The following SLC6A5 variants were observed in gnomAD, a reference collection of about 807,000 sequenced individuals.
SLC6A5 encodes the protein sodium- and chloride-dependent glycine transporter 2.
SLC6A5 carries 58 observed loss-of-function variants against 90.5 expected under a neutral mutation model. That is an observed-to-expected ratio of 0.64 (90% CI 0.52 to 0.80). SLC6A5 has a LOEUF of 0.80. Ranked by LOEUF, SLC6A5 falls within the 30% of genes least tolerant of loss-of-function variation. The pLI is 0.00. For synonymous variants in SLC6A5, 427 were observed against 401.4 expected (o/e 1.06, Z -0.76); for missense variants, 1,015 against 1,017.6 (o/e 1.00, Z 0.03).
chr11:20,604,500 A>T (rs1410152083), intron 3 of SLC6A5, 76 bp downstream of exon 3: 1 of 1,562,138 alleles, frequency 6.4e-7, no homozygotes, highest in Non-Finnish European at 8.7e-7. Flanking sequence ...AGGAGCCCTC[A>T]GGCAGGGCCG....
rs12416864 is a variant in SLC6A5 at position 20,620,887 on chromosome 11, C to G, written c.1260+3003C>G. Among the ~76,000 whole-genome samples, 4,585 of 152,166 alleles carry G rather than the reference C, an allele frequency of 0.03. 443 individuals are homozygous for G. The East Asian group carries it at 0.36, about 12-fold the overall frequency. ...CCATCTTGGCTCACTGCAACCTCCA[C>G]CTCCTGGGTTCAAGTGATTGTCCTG... On this transcript the variant is annotated intron_variant, in intron 7 of 15. Transcript: ENST00000525748.
chr11:20,644,650 T>C (rs550676668), intron 13 of SLC6A5, among the ~76,000 whole-genome samples: 1 of 152,320 alleles, frequency 6.6e-6, no homozygotes, highest in South Asian at 2.1e-4. Context: ...ATGTTTTCCA[T>C]AGTGACTGTA....
chr11:20,619,042 G>T (rs562937613), intron 7 of SLC6A5, among the ~76,000 whole-genome samples: 22 of 151,848 alleles, frequency 1.4e-4, no homozygotes, highest in Non-Finnish European at 2.9e-4. Context: ...ATTTAATTAC[G>T]CCAGGAGGTA....
At chr11:20,643,290 G>C (rs1853349666) in intron 13 of SLC6A5, among the ~76,000 whole-genome samples, 1 of 151,330 alleles carries the variant, frequency 6.6e-6, no homozygotes, top group Non-Finnish European at 1.5e-5. Context: ...ATTTTTGAGG[G>C]CCTCAGCTTT....
chr11:20,647,412 G>T (rs1418692145), intron 14 of SLC6A5, among the ~76,000 whole-genome samples: 8,369 of 109,724 alleles, frequency 0.076, 351 homozygotes, highest in Middle Eastern at 0.12. Flanking sequence ...TATTATATAG[G>T]AATTCCTATT....
At chr11:20,608,942 C>CTG (rs1852637507) in intron 5 of SLC6A5, among the ~76,000 whole-genome samples, 1 of 117,854 alleles carries the variant, frequency 8.5e-6, no homozygotes, top group African/African-American at 3.2e-5. Context: ...CTCTCTCTCT[C>CTG]TCTCTCTCTC....
In SLC6A5 at chr11:20,658,806, G is replaced by A. The variant is rs1339138419; in HGVS notation, c.*3938G>A. 6.6e-6 allele frequency: 1 copy of A among 152,078 alleles called. No homozygotes were observed. Among genetic ancestry groups the A allele is most frequent in the Non-Finnish European group, 1.5e-5 (1 of 68,022 alleles). The allele number at this position is 152,078 out of a possible 1,614,324, so 9.4% of individuals were successfully genotyped here. ...ATTTGCCTTACAGGTGTATTTTACT[G>A]TTAGGATGATTCTTAGTAATTGACT... On this transcript the variant is annotated 3_prime_UTR_variant, in exon 16 of 16. Coordinates refer to ENST00000525748, the MANE Select transcript of SLC6A5 (RefSeq NM_004211.5).
chr11:20,654,218 TTTTTTTTCCTCCGGTCA>T (rs1853596245), intron 15 of SLC6A5, among the ~76,000 whole-genome samples: 1 of 152,198 alleles, frequency 6.6e-6, no homozygotes, highest in African/African-American at 2.4e-5. Flanking sequence ...GGGTTGGATT[TTTTTTTTCCTCCGGTCA>T]TTTATATCCT....
At chr11:20,623,170 G>C (rs1450930333) in intron 7 of SLC6A5, among the ~76,000 whole-genome samples, 1 of 152,170 alleles carries the variant, frequency 6.6e-6, no homozygotes, top group East Asian at 1.9e-4. Context: ...CAGGAAAAAT[G>C]TGTCCTGGTC....
At chr11:20,619,929 T>C (rs1450192281) in intron 7 of SLC6A5, among the ~76,000 whole-genome samples, 2 of 152,118 alleles carry the variant, frequency 1.3e-5, no homozygotes, top group East Asian at 3.9e-4. Context: ...TACAGGGAGA[T>C]GGGAAATGTT....
At chr11:20,601,804 T>G (rs535133383) in intron 2 of SLC6A5, 139 bp downstream of exon 2, 5 of 947,992 alleles carry the variant, frequency 5.3e-6, no homozygotes, top group African/African-American at 3.2e-5. Flanking sequence ...GGAGGCGGCT[T>G]TGGGGCTTCG....
intron 13 of SLC6A5, among the ~76,000 whole-genome samples, chr11:20,641,501 AAAAACAAC>A (rs1853313696): frequency 7.2e-6 from 1 of 139,542 alleles, no homozygotes; most frequent in South Asian, 2.1e-4. Flanking sequence ...AAAACCCCCC[AAAAACAAC>A]AAAACAACAA....
In SLC6A5 at chr11:20,601,259, C is replaced by T. The variant is rs755131121; in HGVS notation, c.134C>T (p.Ala45Val). 11 of 1,583,846 alleles carry T rather than the reference C, an allele frequency of 6.9e-6. No individual in the cohort carries two copies. The East Asian group carries it at 1.8e-4, about 26-fold the overall frequency. The part of the protein sequence containing the change: ...SPEQELPAAA[A>V]PPPPRVPRSA... ...GAGCAGGAGCTTCCCGCGGCTGCCG[C>T]CCCGCCGCCGCCACGTGTGCCCAGG... Residue 45 changes from alanine to valine, a missense_variant, in exon 2 of 16, where the codon GCC (alanine) becomes GTC (valine). By Grantham distance (64) the Ala-to-Val change is moderately conservative. Coordinates refer to ENST00000525748, the MANE Select transcript of SLC6A5 (RefSeq NM_004211.5).
chr11:20,636,888 TC>T (rs1853218074), intron 11 of SLC6A5, among the ~76,000 whole-genome samples: 1 of 152,100 alleles, frequency 6.6e-6, no homozygotes, highest in African/African-American at 2.4e-5. Flanking sequence ...AATTTACATC[TC>T]ATGAATACAA....
intron 7 of SLC6A5, among the ~76,000 whole-genome samples, chr11:20,622,202 C>T (rs2133793000): frequency 6.6e-6 from 1 of 152,324 alleles, no homozygotes; most frequent in African/African-American, 2.4e-5. Flanking sequence ...TGTGCAGAAA[C>T]CTCCAATGCA....
intron 3 of SLC6A5, among the ~76,000 whole-genome samples, chr11:20,604,696 T>C (rs1220347422): frequency 6.6e-6 from 1 of 152,136 alleles, no homozygotes; most frequent in Non-Finnish European, 1.5e-5. Context: ...TTTTGGGGCC[T>C]GGGTCCTGAG....
At chr11:20,607,420 C>A (rs1179549372) in intron 4 of SLC6A5, 59 bp from the exon 5 acceptor site, 2 of 1,600,006 alleles carry the variant, frequency 1.3e-6, no homozygotes, top group Admixed American at 1.7e-5. Flanking sequence ...CTATGCCCAA[C>A]TCTAAGAATT....
intron 5 of SLC6A5, among the ~76,000 whole-genome samples, chr11:20,608,682 T>A (rs1201368144): frequency 6.6e-6 from 1 of 152,146 alleles, no homozygotes; most frequent in Non-Finnish European, 1.5e-5. Flanking sequence ...ATCTGTTAAT[T>A]CTCCTCAGCT....
intron 2 of SLC6A5, among the ~76,000 whole-genome samples, chr11:20,602,991 T>G (rs1189428798): frequency 6.6e-6 from 1 of 151,576 alleles, no homozygotes; most frequent in East Asian, 1.9e-4. Flanking sequence ...GGATTAGGAA[T>G]GGAGGTGGTC....
Sources: allele counts gnomAD v4.1 joint callset (sites outside exome capture counted in the v4.1 genomes callset), GRCh38; gene constraint gnomAD v4.1.1; transcripts MANE v1.5; gene names NCBI Gene and HGNC (gene_info 2026-07-23, HGNC 2026-07-21).